SLC24A4: variants seen among roughly 807,000 people sequenced by gnomAD.
SLC24A4 encodes the protein solute carrier family 24 member 4.
Under a neutral mutation model 79.0 loss-of-function variants are expected in SLC24A4, and 53 were observed. That is an observed-to-expected ratio of 0.67 (90% confidence interval 0.54 to 0.84). The LOEUF (loss-of-function observed/expected upper bound fraction) is 0.84, where lower values mean the gene tolerates loss of function less well. SLC24A4 is among the 40% of genes least tolerant of loss of function. The pLI is 0.00. For missense variants in SLC24A4, 731 were observed against 822.0 expected (o/e 0.89, Z 1.35); for synonymous variants, 323 against 323.8 (o/e 1.00, Z 0.03).
chr14:92,493,180 C>T (rs1236016957), intron 16 of SLC24A4, among the ~76,000 whole-genome samples: 2 of 152,104 alleles, frequency 1.3e-5, no homozygotes, highest in Admixed American at 6.6e-5. Context: ...CACATGCCTA[C>T]GACCAGCCGG....
intron 12 of SLC24A4, among the ~76,000 whole-genome samples, chr14:92,478,143 A>C (rs1004914424): frequency 1.3e-5 from 2 of 152,230 alleles, no homozygotes; most frequent in Non-Finnish European, 1.5e-5. Flanking sequence ...TATGAATCAC[A>C]AAAGTTTTTA....
intron 16 of SLC24A4, 69 bp from the exon 17 acceptor site, chr14:92,493,407 C>T (rs1258441685): frequency 5.7e-6 from 9 of 1,578,458 alleles, no homozygotes; most frequent in Non-Finnish European, 6.9e-6. Context: ...ATAGGTGTCG[C>T]TTTCCAGTAG....
chr14:92,402,082 C>G (rs1234854492), intron 2 of SLC24A4, among the ~76,000 whole-genome samples: 1 of 152,224 alleles, frequency 6.6e-6, no homozygotes, highest in East Asian at 1.9e-4. Flanking sequence ...TGATTGCAGT[C>G]CTCAGATAAC....
At chr14:92,466,469 A>G (rs1181127274) in intron 12 of SLC24A4, among the ~76,000 whole-genome samples, 3 of 152,166 alleles carry the variant, frequency 2.0e-5, no homozygotes, top group Non-Finnish European at 4.4e-5. Context: ...GAACCTGGAT[A>G]CCTAGCTTAC....
At chr14:92,325,282 G>A (rs1410515501) in intron 1 of SLC24A4, among the ~76,000 whole-genome samples, 1 of 152,182 alleles carries the variant, frequency 6.6e-6, no homozygotes, top group African/African-American at 2.4e-5. Flanking sequence ...GCTTGGTTGC[G>A]GGCCTCCGCA....
intron 12 of SLC24A4, among the ~76,000 whole-genome samples, chr14:92,458,798 C>G (rs1893633635): frequency 6.6e-6 from 1 of 152,212 alleles, no homozygotes. Flanking sequence ...GGGGAAAGGT[C>G]AGAGCTGCAG....
At chr14:92,376,249 C>T (rs1289647233) in intron 2 of SLC24A4, among the ~76,000 whole-genome samples, 2 of 152,160 alleles carry the variant, frequency 1.3e-5, no homozygotes, top group African/African-American at 2.4e-5. Context: ...GCCGATAGAA[C>T]CTACCTCACA....
intron 12 of SLC24A4, among the ~76,000 whole-genome samples, chr14:92,477,728 G>A (rs1487822678): frequency 1.3e-5 from 2 of 151,418 alleles, no homozygotes; most frequent in Non-Finnish European, 2.9e-5. Context: ...GTGCAGGATC[G>A]TAGGCATGAG....
chr14:92,488,914 G>T (rs1895522899), intron 14 of SLC24A4, among the ~76,000 whole-genome samples: 1 of 152,180 alleles, frequency 6.6e-6, no homozygotes, highest in Non-Finnish European at 1.5e-5. Flanking sequence ...TAGGATGCTG[G>T]AAGTTTAAGG....
chr14:92,487,713 A>G (rs1895448474), intron 14 of SLC24A4, among the ~76,000 whole-genome samples: 1 of 152,270 alleles, frequency 6.6e-6, no homozygotes, highest in South Asian at 2.1e-4. Flanking sequence ...GGGAGTCATA[A>G]CAAAGTGCCA....
At chr14:92,405,240 C>T (rs1173670441) in intron 2 of SLC24A4, among the ~76,000 whole-genome samples, 2 of 152,208 alleles carry the variant, frequency 1.3e-5, no homozygotes, top group African/African-American at 4.8e-5. Context: ...TCGGTTAGCC[C>T]TCCAACTGGG....
At chr14:92,482,903 T>A in intron 13 of SLC24A4, 57 bp downstream of exon 13, 1 of 1,542,578 alleles carries the variant, frequency 6.5e-7, no homozygotes, top group Non-Finnish European at 8.8e-7. Flanking sequence ...GGTGGAGAGC[T>A]GGGTTCAAGG....
At chr14:92,379,865 G>A (rs1888732360) in intron 2 of SLC24A4, among the ~76,000 whole-genome samples, 1 of 152,168 alleles carries the variant, frequency 6.6e-6, no homozygotes, top group South Asian at 2.1e-4. Flanking sequence ...GCCTGGGGCT[G>A]AAGAGTCTTC....
At position 92,490,815 on chromosome 14, in the gene SLC24A4, C is replaced by T. The variant is rs1276917864; in HGVS notation, c.1538-850C>T. ...GGGCCCGCATGCATCTGCTAGGCTTCGTTCCCACAAACGGGGTGCCGTAAA... is the reference window on the plus strand; with the variant it reads ...GGGCCCGCATGCATCTGCTAGGCTTTGTTCCCACAAACGGGGTGCCGTAAA... On this transcript the variant is annotated intron_variant, in intron 14 of 16. Transcript: ENST00000532405. This position sits in a 1 kb window ranked among gnomAD's most constrained non-coding sequence, Gnocchi z 4.3. Among the ~76,000 whole-genome samples, 6 of 152,342 alleles carry T rather than the reference C, an allele frequency of 3.9e-5. No individual in the cohort carries two copies. The highest frequency in any genetic ancestry group is 1.9e-4 in the East Asian group (1 of 5,186).
intron 2 of SLC24A4, among the ~76,000 whole-genome samples, chr14:92,343,351 G>A (rs1301068977): frequency 6.6e-6 from 1 of 152,186 alleles, no homozygotes; most frequent in African/African-American, 2.4e-5. Context: ...CCTTTCAGGA[G>A]TAGCTGGCAG....
intron 12 of SLC24A4, among the ~76,000 whole-genome samples, chr14:92,463,790 A>T (rs1303091705): frequency 6.6e-6 from 1 of 152,082 alleles, no homozygotes; most frequent in East Asian, 1.9e-4. Flanking sequence ...GGCACCCCTC[A>T]CCCATAACTG....
At chr14:92,375,386 C>T (rs1888442293) in intron 2 of SLC24A4, among the ~76,000 whole-genome samples, 1 of 152,322 alleles carries the variant, frequency 6.6e-6, no homozygotes, top group African/African-American at 2.4e-5. Context: ...CTGTGGAGAA[C>T]AGTTTGGAGG....
At chr14:92,336,823 C>T (rs565227545) in intron 2 of SLC24A4, among the ~76,000 whole-genome samples, 1 of 152,256 alleles carries the variant, frequency 6.6e-6, no homozygotes, top group East Asian at 1.9e-4. Flanking sequence ...TGAGCCTGGC[C>T]TCAAAGGGTA....
At chr14:92,381,265 G>A (rs61975635) in intron 2 of SLC24A4, among the ~76,000 whole-genome samples, 9,269 of 152,216 alleles carry the variant, frequency 0.061, 417 homozygotes, top group Non-Finnish European at 0.089. Flanking sequence ...AAAGGGGTGA[G>A]TTCATGTCCT....
Sources: allele counts gnomAD v4.1 joint callset (sites outside exome capture counted in the v4.1 genomes callset), GRCh38; gene constraint gnomAD v4.1.1; non-coding constraint Gnocchi (gnomAD v3.1); transcripts MANE v1.5; gene names NCBI Gene and HGNC (gene_info 2026-07-23, HGNC 2026-07-21).